The following SLC26A2 variants were observed in gnomAD, a reference collection of about 807,000 sequenced individuals.
SLC26A2 encodes solute carrier family 26 member 2.
In SLC26A2, 36 loss-of-function variants were observed where a neutral mutation model predicts 41.1. The ratio of observed to expected loss-of-function variants is 0.88; its 90% CI spans 0.67 to 1.16. The LOEUF is 1.16. SLC26A2 is among the 50% of genes most tolerant of loss of function. SLC26A2 has a pLI of 0.00. For missense variants in SLC26A2, 796 were observed against 869.6 expected, an observed-to-expected ratio of 0.92 and a Z score of 1.07; for synonymous variants, 291 against 311.6, an observed-to-expected ratio of 0.93 and a Z score of 0.70.
chr5:149,981,751 G>A lies in SLC26A2; in HGVS notation c.2158G>A (p.Glu720Lys), dbSNP rs763981421. 5 of 1,611,136 alleles carry A rather than the reference G, an allele frequency of 3.1e-6. No individual in the cohort carries two copies. Among genetic ancestry groups the A allele is most frequent in the South Asian group, 1.1e-5 (1 of 90,358 alleles). Residue 720 changes from glutamate to lysine, a missense_variant, in exon 3 of 3, where the codon GAA (glutamate) becomes AAA (lysine). Physicochemically the swap from Glu to Lys is moderately conservative, Grantham distance 56. Transcript: ENST00000286298. ...YSVYEAMAFA[E>K]VSKNQKGVCV... Reference sequence around the variant, plus strand: ...TGTGTATGAAGCGATGGCTTTTGCAGAAGTATCTAAAAATCAGAAAGGAGT... The same window carrying A: ...TGTGTATGAAGCGATGGCTTTTGCAAAAGTATCTAAAAATCAGAAAGGAGT...
At position 149,980,654 on chromosome 5, in the gene SLC26A2, A is replaced by C; in HGVS notation, c.1061A>C (p.Glu354Ala). The change falls in exon 3 of 3, where the codon GAA (glutamate) becomes GCA (alanine). Residue 354 changes from glutamate to alanine, a missense_variant. Glu to Ala is a moderately radical substitution (Grantham distance 107). Coordinates refer to ENST00000286298, the MANE Select transcript of SLC26A2 (RefSeq NM_000112.4). The stretch of plus-strand genomic sequence containing the variant: ...GCCTCTCATTTTGGAAAACTACATG[A>C]AAATTATAATTCTAGTATTGCTGGA... ...TLASHFGKLH[E>A]NYNSSIAGHI... 1 of 1,614,058 alleles carries C rather than the reference A, an allele frequency of 6.2e-7. No individual in the cohort carries two copies. The highest frequency in any genetic ancestry group is 8.5e-7 in the Non-Finnish European group (1 of 1,179,968).
intron 1 of SLC26A2, among the ~76,000 whole-genome samples, chr5:149,966,725 G>C (rs1167109294): frequency 6.6e-6 from 1 of 151,804 alleles, no homozygotes; most frequent in East Asian, 1.9e-4. Flanking sequence ...TTCAGATTTT[G>C]GTGCATTTTT....
chr5:149,962,687 C>T (rs1172125593), intron 1 of SLC26A2, among the ~76,000 whole-genome samples: 3 of 152,124 alleles, frequency 2.0e-5, no homozygotes, highest in Non-Finnish European at 4.4e-5. Flanking sequence ...AGGATAATCA[C>T]GCTTTTAGTG....
Position 149,978,283 on chromosome 5 carries a change from A to T in SLC26A2, c.631A>T (p.Ile211Leu), listed in dbSNP as rs766847788. ...ATTATTAAATCATACATCAGACAGG[A>T]TATGTGACAAAAGTTGCTATGCAAT... ...STLLNHTSDRICDKSCYAIMV... is the reference protein window; with the variant it reads ...STLLNHTSDRLCDKSCYAIMV... Residue 211 changes from isoleucine to leucine, a missense_variant, in exon 2 of 3, where the codon ATA becomes TTA. Transcript: ENST00000286298. 1 of 1,614,062 alleles carries T rather than the reference A, an allele frequency of 6.2e-7. No individual in the cohort carries two copies.
intron 1 of SLC26A2, among the ~76,000 whole-genome samples, chr5:149,977,051 C>T (rs568166505): frequency 2.2e-4 from 34 of 152,296 alleles, no homozygotes; most frequent in African/African-American, 7.5e-4. Flanking sequence ...TGCATTCTGC[C>T]CTAGTTTCTT....
chr5:149,962,669 T>C (rs1479727947), intron 1 of SLC26A2, among the ~76,000 whole-genome samples: 2 of 152,116 alleles, frequency 1.3e-5, no homozygotes, highest in African/African-American at 2.4e-5. Context: ...TCCCCCATGA[T>C]TGACAGAAGG....
chr5:149,968,050 C>A (rs1754836458), intron 1 of SLC26A2, among the ~76,000 whole-genome samples: 1 of 150,104 alleles, frequency 6.7e-6, no homozygotes, highest in Admixed American at 6.7e-5. Context: ...TTTTGCTTAA[C>A]ATAAGGGTGT....
intron 1 of SLC26A2, among the ~76,000 whole-genome samples, chr5:149,967,999 C>T (rs1234754792): frequency 6.7e-6 from 1 of 150,284 alleles, no homozygotes; most frequent in Admixed American, 6.6e-5. Context: ...TTAGATCCAG[C>T]TCTTTTTTTT....
At position 149,977,807 on chromosome 5, in the gene SLC26A2, A is replaced by G. The variant is rs1190567620; in HGVS notation, c.155A>G (p.His52Arg). 1.2e-6 allele frequency: 2 copies of G among 1,614,022 alleles called. No homozygotes were observed. Among genetic ancestry groups the G allele is most frequent in the Admixed American group, 3.3e-5 (2 of 60,004 alleles). Residue 52 changes from histidine (H) to arginine (R), a missense_variant, in exon 2 of 3, where the codon CAT (histidine) becomes CGT (arginine). Coordinates refer to ENST00000286298, the MANE Select transcript of SLC26A2 (RefSeq NM_000112.4). ...ACCAATGATCAATGCAGACCTTATC[A>G]TAGGATCCTTATTGAGCGTCAAGAG... The part of the protein sequence containing the change: ...FETNDQCRPY[H>R]RILIERQEKS...
chr5:149,969,019 C>T (rs953742509), intron 1 of SLC26A2, among the ~76,000 whole-genome samples: 1 of 150,840 alleles, frequency 6.6e-6, no homozygotes, highest in Non-Finnish European at 1.5e-5. Flanking sequence ...TGGGATTACA[C>T]GTGTGAGCCA....
In SLC26A2 at chr5:149,977,910, A is replaced by C; in HGVS notation, c.258A>C (p.Lys86Asn). ...KNCQCSPAKAKNMILGFLPVL... is the reference protein window; with the variant it reads ...KNCQCSPAKANNMILGFLPVL... ...GCCAGTGCAGTCCAGCCAAAGCCAAAAATATGATTTTAGGTTTCCTTCCTG... is the reference window on the plus strand; with the variant it reads ...GCCAGTGCAGTCCAGCCAAAGCCAACAATATGATTTTAGGTTTCCTTCCTG... The change falls in exon 2 of 3, where the codon AAA (lysine) becomes AAC (asparagine). Residue 86 changes from lysine (K) to asparagine (N), a missense_variant. Lys to Asn is a moderately conservative substitution (Grantham distance 94, BLOSUM62 0). Transcript: ENST00000286298. The C allele has an allele frequency of 1.2e-6, 2 of 1,614,212 alleles. No homozygotes were observed. Among genetic ancestry groups the C allele is most frequent in the Non-Finnish European group, 1.7e-6 (2 of 1,180,038 alleles).
chr5:149,983,617 TCATCCAGG>T lies in SLC26A2; in HGVS notation c.*1806_*1813del, dbSNP rs1755143542. 6.6e-6 allele frequency: 1 copy of T among 152,158 alleles called. No individual in the cohort carries two copies. The highest frequency in any genetic ancestry group is 3.2e-3 in the Middle Eastern group (1 of 316). 9.4% of individuals were successfully genotyped at this position (152,158 alleles called of 1,614,324 possible). ...TCCTTTTTTCTTTTTTAAGAGACAG[TCATCCAGG>T]CCAGAGTGCAGTTTGATGATAGCTT... On this transcript the variant is annotated 3_prime_UTR_variant, in exon 3 of 3. Transcript: ENST00000286298.
At chr5:149,977,584 G>T in intron 1 of SLC26A2, 44 bp from the exon 2 acceptor site, 1 of 1,018,362 alleles carries the variant, frequency 9.8e-7, no homozygotes, top group Non-Finnish European at 1.6e-6. Context: ...TGTGAGCACT[G>T]AGAATTACTT....
Position 149,978,371 on chromosome 5 carries a change from T to C in SLC26A2, c.699+20T>C, listed in dbSNP as rs368382498. 64 of 1,578,066 alleles carry C rather than the reference T, an allele frequency of 4.1e-5. No homozygotes were observed. The African/African-American group carries it at 8.1e-4, about 20-fold the overall frequency. ...TATCAGGTAAGCAGCAATGAAACAA[T>C]TGGTTATTTCTAGAAAAGTAATCTA... On this transcript the variant is annotated intron_variant, in intron 2 of 2. Coordinates refer to ENST00000286298, the MANE Select transcript of SLC26A2 (RefSeq NM_000112.4).
In SLC26A2 at chr5:149,981,717, CTT is replaced by C. The variant is rs1464897690; in HGVS notation, c.2125_2126del (p.Phe709LeufsTer2). The C allele has an allele frequency of 6.2e-7, 1 of 1,612,104 alleles. No individual in the cohort carries two copies. The highest frequency in any genetic ancestry group is 1.3e-5 in the African/African-American group (1 of 74,832). On this transcript the variant is annotated frameshift_variant, in exon 3 of 3. Transcript: ENST00000286298. LOFTEE classifies it high-confidence loss of function. The stretch of plus-strand genomic sequence containing the variant: ...GCAAAAAGGAAGAAGAAAACCTTCT[CTT>C]CTATAGTGTGTATGAAGCGATGGCT... ...YCKKEEENLL[F>X]YSVYEAMAFA...
intron 1 of SLC26A2, among the ~76,000 whole-genome samples, chr5:149,970,924 A>G (rs966099740): frequency 6.6e-6 from 1 of 152,248 alleles, no homozygotes; most frequent in Non-Finnish European, 1.5e-5. Flanking sequence ...TGTCTAGCAC[A>G]GTGGTTAGCT....
In SLC26A2 at chr5:149,982,837, T is replaced by G. The variant is rs8073; in HGVS notation, c.*1024T>G. 34,070 of 152,064 alleles carry G rather than the reference T, an allele frequency of 0.22. 3,904 individuals carry two copies. The highest frequency in any genetic ancestry group is 0.34 in the Middle Eastern group (99 of 294). The allele number at this position is 152,064 out of a possible 1,614,324, so 9.4% of individuals were successfully genotyped here. On this transcript the variant is annotated 3_prime_UTR_variant, in exon 3 of 3. Coordinates refer to ENST00000286298, the MANE Select transcript of SLC26A2 (RefSeq NM_000112.4). The stretch of plus-strand genomic sequence containing the variant: ...AGAAGTCACATTCATAAAACCCAAG[T>G]GCTATGGGTGTATTATTCATGATAG...
At chr5:149,964,559 C>T (rs1017883727) in intron 1 of SLC26A2, among the ~76,000 whole-genome samples, 7 of 151,918 alleles carry the variant, frequency 4.6e-5, no homozygotes, top group Non-Finnish European at 8.8e-5. Flanking sequence ...GGGCGGATCA[C>T]GAGGTCAGGA....
chr5:149,965,655 T>C (rs938638343), intron 1 of SLC26A2, among the ~76,000 whole-genome samples: 3 of 152,020 alleles, frequency 2.0e-5, no homozygotes, highest in Non-Finnish European at 2.9e-5. Flanking sequence ...GAGACTTACT[T>C]TGGTTGTTGA....
Sources: gnomAD v4.1 joint callset for allele counts (sites outside exome capture counted in the v4.1 genomes callset) on GRCh38, gnomAD v4.1.1 for gene constraint, MANE v1.5 for transcripts, NCBI Gene and HGNC (gene_info 2026-07-23, HGNC 2026-07-21) for gene names.